The following VAC14 variants were observed in gnomAD, a reference collection of about 807,000 sequenced individuals.
VAC14 encodes the protein protein VAC14 homolog.
In VAC14, 47 loss-of-function variants were observed where a neutral mutation model predicts 85.3. The ratio of observed to expected loss-of-function variants is 0.55; its 90% CI spans 0.44 to 0.70. The LOEUF is 0.70. VAC14 is among the 30% of genes least tolerant of loss of function. The probability of loss-of-function intolerance (pLI) is 0.00; values close to 1 mark genes in which losing one functional copy is unlikely to be tolerated. For synonymous variants in VAC14, 447 were observed against 430.5 expected (o/e 1.04, Z -0.47); for missense variants, 861 against 1,004.3 (o/e 0.86, Z 1.93).
At chr16:70,742,072 G>A (rs139287201) in intron 13 of VAC14, among the ~76,000 whole-genome samples, 1 of 152,356 alleles carries the variant, frequency 6.6e-6, no homozygotes, top group East Asian at 1.9e-4. Flanking sequence ...GTGCCCGGGA[G>A]GAAGAGATAA....
At chr16:70,720,470 G>A (rs1053084716) in intron 14 of VAC14, among the ~76,000 whole-genome samples, 47 of 152,150 alleles carry the variant, frequency 3.1e-4, no homozygotes, top group African/African-American at 8.2e-4. Context: ...AAGGGAGAAC[G>A]CTTCCCGGGG....
intron 12 of VAC14, among the ~76,000 whole-genome samples, chr16:70,752,562 G>A (rs946898061): frequency 4.6e-5 from 7 of 152,240 alleles, no homozygotes; most frequent in African/African-American, 1.7e-4. Flanking sequence ...CACGAGAGTG[G>A]TGCCCACTCA....
intron 16 of VAC14, among the ~76,000 whole-genome samples, chr16:70,696,133 TGG>T (rs1567521096): frequency 6.6e-6 from 1 of 152,216 alleles, no homozygotes; most frequent in Non-Finnish European, 1.5e-5. Flanking sequence ...AACTCCTGGC[TGG>T]TCATGTTGCC....
At chr16:70,767,795 G>A (rs1458277504) in intron 10 of VAC14, among the ~76,000 whole-genome samples, 1 of 152,214 alleles carries the variant, frequency 6.6e-6, no homozygotes, top group Non-Finnish European at 1.5e-5. Context: ...CAAGGTTCTT[G>A]TAATAACAAT....
In VAC14 at chr16:70,763,626, G is replaced by GC. The variant is rs1357619222; in HGVS notation, c.1161-602_1161-601insG. On this transcript the variant is annotated intron_variant, in intron 10 of 18. Coordinates refer to ENST00000261776, the MANE Select transcript of VAC14 (RefSeq NM_018052.5). ...CAGGGCACTCAGCACATTTGGCCTA[G>GC]GAGAGACACCCTTGAGAGTTAAGAC... Among the ~76,000 whole-genome samples the GC allele has an allele frequency of 6.6e-5, 10 of 152,324 alleles. No homozygotes were observed. The East Asian group carries it at 1.7e-3, about 26-fold the overall frequency.
Position 70,692,812 on chromosome 16 carries a change from G to A in VAC14, c.2186+9C>T, listed in dbSNP as rs746858382. Reference sequence around the variant, plus strand: ...GGGGCGGGGGCAGCAGTCCCCAGCCGGCACTCACTCGGTCTGCAGCAGCTC... The same window carrying A: ...GGGGCGGGGGCAGCAGTCCCCAGCCAGCACTCACTCGGTCTGCAGCAGCTC... On this transcript the variant is annotated intron_variant, in intron 18 of 18. Coordinates refer to ENST00000261776, the MANE Select transcript of VAC14 (RefSeq NM_018052.5). 58 of 1,594,334 alleles carry A rather than the reference G, an allele frequency of 3.6e-5. No individual in the cohort carries two copies. Among genetic ancestry groups the A allele is most frequent in the African/African-American group, 6.7e-5 (5 of 74,828 alleles).
Position 70,786,281 on chromosome 16 carries a change from A to G in VAC14, c.189T>C (p.Ser63=). ...IQTLSQEFAL[S]QHPHSRKGGL... ...CCCCTTTCCGGCTGTGGGGGTGCTG[A>G]GACAGGGCAAACTCCTGGGACAGGG... Residue 63 remains serine, a synonymous_variant, in exon 2 of 19, where the codon TCT becomes TCC. Transcript: ENST00000261776. The G allele has an allele frequency of 6.2e-7, 1 of 1,614,208 alleles. No homozygotes were observed. Among genetic ancestry groups the G allele is most frequent in the Non-Finnish European group, 8.5e-7 (1 of 1,180,026 alleles).
intron 14 of VAC14, among the ~76,000 whole-genome samples, chr16:70,720,153 T>TG (rs1280832980): frequency 2.6e-5 from 4 of 152,148 alleles, no homozygotes; most frequent in African/African-American, 7.2e-5. Flanking sequence ...CCTCTTGTGT[T>TG]GGAGTCAGTA....
At chr16:70,716,600 T>G (rs2142997517) in intron 14 of VAC14, 1 of 152,388 alleles carries the variant, frequency 6.6e-6, no homozygotes, top group Middle Eastern at 3.4e-3. Flanking sequence ...CCCTCCTGGC[T>G]TCTCCCTGAC....
intron 14 of VAC14, among the ~76,000 whole-genome samples, chr16:70,727,501 G>A (rs2054463929): frequency 6.6e-6 from 1 of 152,118 alleles, no homozygotes; most frequent in African/African-American, 2.4e-5. Context: ...CACCATGCCT[G>A]GCTAATTTTT....
intron 1 of VAC14, among the ~76,000 whole-genome samples, chr16:70,800,353 AC>A (rs2034726572): frequency 6.6e-6 from 1 of 152,208 alleles, no homozygotes; most frequent in Non-Finnish European, 1.5e-5. Context: ...TGATTTCTCT[AC>A]TTGGTCACTA....
chr16:70,778,307 T>G (rs1056480664), intron 9 of VAC14: 1 of 152,184 alleles, frequency 6.6e-6, no homozygotes, highest in East Asian at 1.9e-4. Context: ...TGTTTTTAGT[T>G]GAGGCCACGA....
In VAC14 at chr16:70,748,838, CGGGA is replaced by C. The variant is rs112399548; in HGVS notation, c.1372-4263_1372-4260del. Among the ~76,000 whole-genome samples, 575 of 152,256 alleles carry C rather than the reference CGGGA, an allele frequency of 3.8e-3. 2 individuals are homozygous for C. The highest frequency in any genetic ancestry group is 0.014 in the South Asian group (69 of 4,822). ...CTGCGAATCTGTAATCCTAGCTACT[CGGGA>C]GGCTGAGGCAGGAGAATTGCTTGAG... On this transcript the variant is annotated intron_variant, in intron 12 of 18. Transcript: ENST00000261776.
intron 14 of VAC14, among the ~76,000 whole-genome samples, chr16:70,709,973 G>C (rs1298192304): frequency 2.0e-5 from 3 of 152,182 alleles, no homozygotes; most frequent in Admixed American, 2.0e-4. Context: ...CTCTGGGCTT[G>C]AACCCTCTAA....
intron 1 of VAC14, among the ~76,000 whole-genome samples, chr16:70,795,648 C>G (rs1013728580): frequency 3.3e-5 from 5 of 152,240 alleles, no homozygotes; most frequent in Non-Finnish European, 7.3e-5. Flanking sequence ...TCGCCTCCCC[C>G]ACAGCCAGCA....
chr16:70,690,670 C>T, intron 18 of VAC14: 1 of 985,710 alleles, frequency 1.0e-6, no homozygotes, highest in Non-Finnish European at 1.2e-6. Context: ...GCCTGCCCCG[C>T]AACTCGACCC....
intron 1 of VAC14, 45 bp downstream of exon 1, chr16:70,800,752 C>G: frequency 6.5e-7 from 1 of 1,531,614 alleles, no homozygotes; most frequent in South Asian, 1.1e-5. Context: ...GGGAGCAGAG[C>G]AGTCAGGGGC....
chr16:70,798,899 T>A (rs1374152451), intron 1 of VAC14, among the ~76,000 whole-genome samples: 1 of 152,144 alleles, frequency 6.6e-6, no homozygotes, highest in Non-Finnish European at 1.5e-5. Context: ...GTGCTAAGGA[T>A]AAATAAAACA....
At chr16:70,798,204 C>T (rs1044158863) in intron 1 of VAC14, among the ~76,000 whole-genome samples, 2 of 152,154 alleles carry the variant, frequency 1.3e-5, no homozygotes, top group Admixed American at 1.3e-4. Context: ...CACCATGCCA[C>T]GCAGCCTCTC....
Sources: allele counts gnomAD v4.1 joint callset (sites outside exome capture counted in the v4.1 genomes callset), GRCh38; gene constraint gnomAD v4.1.1; transcripts MANE v1.5; gene names NCBI Gene and HGNC (gene_info 2026-07-23, HGNC 2026-07-21).